Variants in BBS7 observed in about 807,000 individuals in gnomAD.
BBS7 encodes the protein BBSome complex member BBS7.
Under a neutral mutation model 90.3 loss-of-function variants are expected in BBS7, and 50 were observed. The ratio of observed to expected loss-of-function variants is 0.55; its 90% CI spans 0.44 to 0.70. The LOEUF is 0.70. BBS7 is among the 30% of genes least tolerant of loss of function. The pLI is 0.00. For missense variants in BBS7, 729 were observed against 838.9 expected (o/e 0.87, Z 1.62); for synonymous variants, 235 against 287.4 (o/e 0.82, Z 1.85).
rs773200221 is a variant in BBS7, at chr4:121,847,387, A to G, written c.1037+17T>C. 1 of 1,549,170 alleles carries G rather than the reference A, an allele frequency of 6.5e-7. No individual in the cohort carries two copies. Among genetic ancestry groups the G allele is most frequent in the Admixed American group, 1.7e-5 (1 of 59,880 alleles). On this transcript the variant is annotated intron_variant, in intron 10 of 18. Coordinates refer to ENST00000264499, the MANE Select transcript of BBS7 (RefSeq NM_176824.3). ...TCATGAGATTTTTAAAAAAGCAAAT[A>G]AAAAACTCAAAGTTACCGTAAGGAA...
intron 2 of BBS7, among the ~76,000 whole-genome samples, chr4:121,865,247 T>C (rs1727197432): frequency 6.6e-6 from 1 of 152,048 alleles, no homozygotes; most frequent in Non-Finnish European, 1.5e-5. Flanking sequence ...CTCTCTTTTT[T>C]TTTTTTTTGA....
intron 5 of BBS7, among the ~76,000 whole-genome samples, chr4:121,858,392 A>C (rs1407777471): frequency 6.6e-6 from 1 of 151,812 alleles, no homozygotes; most frequent in Non-Finnish European, 1.5e-5. Context: ...GTGTGTGTGC[A>C]TATATTTTAT....
intron 13 of BBS7, among the ~76,000 whole-genome samples, chr4:121,838,337 C>T (rs1383040349): frequency 1.9e-5 from 2 of 106,658 alleles, no homozygotes; most frequent in Admixed American, 1.1e-4. Context: ...AGATGTGAAA[C>T]AAATATTGTG....
Position 121,859,065 on chromosome 4 carries a change from C to A in BBS7, c.455G>T (p.Cys152Phe). The change falls in exon 5 of 19, where the codon TGC becomes TTC. Residue 152 changes from cysteine (C) to phenylalanine (F), a missense_variant. Transcript: ENST00000264499. ...LSGDKINDVI[C>F]LPVERLSRIT... ...ACGAGATAATCTTTCCACTGGAAGGCAGATCACATCATTGATTTTATCCCC... is the reference window on the plus strand; with the variant it reads ...ACGAGATAATCTTTCCACTGGAAGGAAGATCACATCATTGATTTTATCCCC... 1 of 1,613,862 alleles carries A rather than the reference C, an allele frequency of 6.2e-7. No homozygotes were observed. Among genetic ancestry groups the A allele is most frequent in the Non-Finnish European group, 8.5e-7 (1 of 1,179,866 alleles).
intron 3 of BBS7, among the ~76,000 whole-genome samples, chr4:121,862,681 C>T (rs1290293546): frequency 6.6e-6 from 1 of 152,136 alleles, no homozygotes; most frequent in Non-Finnish European, 1.5e-5. Flanking sequence ...AATTAGATTA[C>T]CATGTTGTGA....
chr4:121,826,779 G>A (rs1418970288), intron 18 of BBS7, among the ~76,000 whole-genome samples: 2 of 152,074 alleles, frequency 1.3e-5, no homozygotes, highest in African/African-American at 2.4e-5. Flanking sequence ...GTCAGGGGTT[G>A]GAGACCAGCC....
intron 1 of BBS7, among the ~76,000 whole-genome samples, chr4:121,869,378 A>G (rs896509304): frequency 3.3e-5 from 5 of 152,078 alleles, no homozygotes; most frequent in African/African-American, 1.2e-4. Context: ...TCAAATAGCC[A>G]CTCCCTAATT....
chr4:121,857,539 AT>A (rs1175288681), intron 5 of BBS7, among the ~76,000 whole-genome samples: 1 of 152,236 alleles, frequency 6.6e-6, no homozygotes, highest in Non-Finnish European at 1.5e-5. Flanking sequence ...GTAATGGATT[AT>A]TCACAGAGAT....
At chr4:121,828,535 T>C (rs780980216) in intron 16 of BBS7, 30 bp from the exon 17 acceptor site, 2 of 1,572,564 alleles carry the variant, frequency 1.3e-6, no homozygotes, top group Non-Finnish European at 1.8e-6. Context: ...TGCAGTTAGA[T>C]AAATCACTTT....
chr4:121,861,915 T>C (rs961281998), intron 3 of BBS7, among the ~76,000 whole-genome samples: 2 of 152,164 alleles, frequency 1.3e-5, no homozygotes, highest in Non-Finnish European at 2.9e-5. Flanking sequence ...ATCTAAATCC[T>C]TGTAATTCAA....
chr4:121,870,116 G>C (rs756353202), intron 1 of BBS7, among the ~76,000 whole-genome samples, 162 bp downstream of exon 1: 1 of 152,174 alleles, frequency 6.6e-6, no homozygotes, highest in Non-Finnish European at 1.5e-5. Context: ...CAGACGAAAG[G>C]GAGCTGCCCA....
At chr4:121,846,747 C>T (rs1293977678) in intron 10 of BBS7, among the ~76,000 whole-genome samples, 2 of 152,074 alleles carry the variant, frequency 1.3e-5, no homozygotes, top group East Asian at 3.9e-4. Context: ...GCATTTGCTG[C>T]CTTAAAAGTT....
Position 121,868,684 on chromosome 4 carries a change from C to CAAAAAA in BBS7, c.37-644_37-639dup, listed in dbSNP as rs34910805. 7.5e-3 allele frequency among the ~76,000 whole-genome samples: 374 copies of CAAAAAA among 49,686 alleles called. 129 individuals carry two copies. The highest frequency in any genetic ancestry group is 0.022 in the African/African-American group (241 of 11,062). 32.6% of individuals were successfully genotyped at this position (49,686 alleles called of 152,430 possible). A position where few individuals can be genotyped will look rare whatever the true frequency, so the allele number is the denominator to read the frequency against. On this transcript the variant is annotated intron_variant, in intron 1 of 18. Coordinates refer to ENST00000264499, the MANE Select transcript of BBS7 (RefSeq NM_176824.3). Reference sequence around the variant, plus strand: ...TGCGTGACAGAACAAGACCCTGTTTCAAAAAAAAAAAAAAAAAAAAAAAAA... The same window carrying CAAAAAA: ...TGCGTGACAGAACAAGACCCTGTTTCAAAAAAAAAAAAAAAAAAAAAAAAAAAAAAA...
At chr4:121,828,021 G>A in intron 18 of BBS7, 125 bp downstream of exon 18, 1 of 1,515,288 alleles carries the variant, frequency 6.6e-7, no homozygotes, top group Non-Finnish European at 8.8e-7. Flanking sequence ...ACTGATTCAT[G>A]ACTGGTTCAT....
Position 121,825,855 on chromosome 4 carries a change from G to A in BBS7, c.*5C>T, listed in dbSNP as rs1189191060. The A allele has an allele frequency of 1.2e-5, 20 of 1,612,504 alleles. No individual in the cohort carries two copies. The highest frequency in any genetic ancestry group is 2.2e-5 in the South Asian group (2 of 91,022). On this transcript the variant is annotated 3_prime_UTR_variant, in exon 19 of 19. Coordinates refer to ENST00000264499, the MANE Select transcript of BBS7 (RefSeq NM_176824.3). ...ACTTCTTTGGGACTTTACCTTATTT[G>A]TATGTCATGCTGCATCGAAGAATGA...
At chr4:121,856,966 A>ACTTTGTCTGG (rs1442958626) in intron 5 of BBS7, among the ~76,000 whole-genome samples, 1 of 151,978 alleles carries the variant, frequency 6.6e-6, no homozygotes, top group Non-Finnish European at 1.5e-5. Context: ...ACAAAGTTTC[A>ACTTTGTCTGG]CCATGTTGGC....
Position 121,845,638 on chromosome 4 carries a change from A to T in BBS7, c.1096T>A (p.Ser366Thr), listed in dbSNP as rs1725971289. 1 of 1,613,008 alleles carries T rather than the reference A, an allele frequency of 6.2e-7. No individual in the cohort carries two copies. The highest frequency in any genetic ancestry group is 1.7e-5 in the Admixed American group (1 of 59,976). The change falls in exon 11 of 19, where the codon TCT (serine) becomes ACT (threonine). Residue 366 changes from serine (S) to threonine (T), a missense_variant. Ser to Thr is a moderately conservative substitution (Grantham distance 58). Coordinates refer to ENST00000264499, the MANE Select transcript of BBS7 (RefSeq NM_176824.3). ...VLQERENYQQ[S>T]SQSSKAKSAV... The stretch of plus-strand genomic sequence containing the variant: ...GATTTTGCTTTGCTTGATTGAGAAG[A>T]CTGTTGATAATTCTCTCTTTCCTGC...
chr4:121,848,485 C>T (rs1459462613), intron 9 of BBS7, among the ~76,000 whole-genome samples: 2 of 152,136 alleles, frequency 1.3e-5, no homozygotes, highest in Non-Finnish European at 2.9e-5. Flanking sequence ...TATCACAGTG[C>T]TTATGTTCAA....
intron 10 of BBS7, among the ~76,000 whole-genome samples, chr4:121,846,339 G>T (rs1326327994): frequency 6.6e-6 from 1 of 152,176 alleles, no homozygotes; most frequent in Admixed American, 6.5e-5. Flanking sequence ...AACAACATGA[G>T]GCTTAACTAG....
Sources: gnomAD v4.1 joint callset for allele counts (sites outside exome capture counted in the v4.1 genomes callset) on GRCh38, gnomAD v4.1.1 for gene constraint, MANE v1.5 for transcripts, NCBI Gene and HGNC (gene_info 2026-07-23, HGNC 2026-07-21) for gene names.